PDE7B: variants seen among roughly 807,000 people sequenced by gnomAD.
PDE7B encodes the protein phosphodiesterase 7B.
A neutral mutation model predicts 56.2 loss-of-function variants in PDE7B; 29 were observed. The observed-to-expected ratio is 0.52, with a 90% CI of 0.38 to 0.70. The LOEUF (loss-of-function observed/expected upper bound fraction) is 0.70. Ranked by LOEUF, PDE7B falls within the 30% of genes least tolerant of loss-of-function variation. The pLI, the probability that PDE7B is intolerant of heterozygous loss-of-function variation, is 0.00. For missense variants in PDE7B, 490 were observed against 565.0 expected (o/e 0.87, Z 1.35); for synonymous variants, 197 against 196.9 (o/e 1.00, Z 0.00).
chr6:136,068,124 C>G (rs1776977513), intron 2 of PDE7B, among the ~76,000 whole-genome samples: 2 of 152,150 alleles, frequency 1.3e-5, no homozygotes, highest in African/African-American at 4.8e-5. Flanking sequence ...TATGAGTGAC[C>G]AACGGCCCGT....
intron 8 of PDE7B, among the ~76,000 whole-genome samples, chr6:136,164,482 TATG>T (rs1243960621): frequency 6.8e-6 from 1 of 146,188 alleles, no homozygotes; most frequent in Non-Finnish European, 1.5e-5. Flanking sequence ...GTAACTGAGA[TATG>T]ATAACTCCCC....
At chr6:136,171,905 G>A (rs1266978796) in intron 8 of PDE7B, among the ~76,000 whole-genome samples, 1 of 150,344 alleles carries the variant, frequency 6.7e-6, no homozygotes, top group Admixed American at 6.6e-5. Context: ...TTTTGTTCTT[G>A]CGATAGTTTA....
At chr6:135,858,173 G>A (rs1316380457) in intron 1 of PDE7B, among the ~76,000 whole-genome samples, 1 of 151,872 alleles carries the variant, frequency 6.6e-6, no homozygotes, top group Non-Finnish European at 1.5e-5. Context: ...TTGTTTTTGA[G>A]ACAGAGTCCT....
Position 136,134,693 on chromosome 6 carries a change from C to CAG in PDE7B, c.167-12654_167-12653dup, listed in dbSNP as rs764759929. 6.2e-5 allele frequency among the ~76,000 whole-genome samples: 8 copies of CAG among 129,700 alleles called. No individual in the cohort carries two copies. The East Asian group carries it at 1.6e-3, about 26-fold the overall frequency. The allele number at this position is 129,700 out of a possible 152,430, so 85.1% of individuals were successfully genotyped here. Reference sequence around the variant, plus strand: ...CCAACCAACCCTGAACCCCGGATGTCAGAGATTCAACCCATTCGTTGGGAT... The same window carrying CAG: ...CCAACCAACCCTGAACCCCGGATGTCAGAGAGATTCAACCCATTCGTTGGGAT... On this transcript the variant is annotated intron_variant, in intron 3 of 12. Coordinates refer to ENST00000308191, the MANE Select transcript of PDE7B (RefSeq NM_018945.4).
chr6:136,005,049 G>A (rs1358940334), intron 2 of PDE7B, among the ~76,000 whole-genome samples: 1 of 152,186 alleles, frequency 6.6e-6, no homozygotes, highest in South Asian at 2.1e-4. Context: ...AAATAACGCT[G>A]CATATCTACA....
intron 1 of PDE7B, among the ~76,000 whole-genome samples, chr6:135,879,545 TAA>T (rs2051049413): frequency 6.6e-6 from 1 of 152,192 alleles, no homozygotes; most frequent in Non-Finnish European, 1.5e-5. Context: ...TTTTTTTTCT[TAA>T]GAGTACTTTT....
intron 2 of PDE7B, among the ~76,000 whole-genome samples, chr6:136,045,955 T>C (rs1776497156): frequency 7.6e-6 from 1 of 131,728 alleles, no homozygotes; most frequent in Non-Finnish European, 1.7e-5. Context: ...AAAGAAAGAT[T>C]GTCTTTCTTG....
chr6:136,039,577 A>T (rs1776382338), intron 2 of PDE7B, among the ~76,000 whole-genome samples: 1 of 152,192 alleles, frequency 6.6e-6, no homozygotes. Context: ...TTAAGTTATG[A>T]CTTAATAATC....
intron 2 of PDE7B, among the ~76,000 whole-genome samples, chr6:135,970,170 T>C (rs760820051): frequency 2.6e-5 from 4 of 152,104 alleles, no homozygotes; most frequent in Non-Finnish European, 5.9e-5. Context: ...TACACTTCAT[T>C]GGTAGAGATA....
chr6:136,120,994 G>A (rs1392880607), intron 3 of PDE7B, among the ~76,000 whole-genome samples: 1 of 152,122 alleles, frequency 6.6e-6, no homozygotes, highest in Non-Finnish European at 1.5e-5. Flanking sequence ...ATAACCTTGT[G>A]TCTGACTCCC....
intron 3 of PDE7B, among the ~76,000 whole-genome samples, chr6:136,131,428 G>C (rs1389572197): frequency 1.3e-5 from 2 of 150,272 alleles, no homozygotes; most frequent in South Asian, 4.2e-4. Context: ...AATTTCAGGA[G>C]ACTATAAGGC....
chr6:136,176,115 G>A (rs1778972699), intron 9 of PDE7B, among the ~76,000 whole-genome samples: 3 of 151,596 alleles, frequency 2.0e-5, no homozygotes, highest in Admixed American at 2.0e-4. Flanking sequence ...TTTATATTTG[G>A]TCTCTTCCTA....
chr6:136,110,713 T>A (rs1349459212), intron 3 of PDE7B, among the ~76,000 whole-genome samples: 2 of 105,324 alleles, frequency 1.9e-5, no homozygotes, highest in African/African-American at 9.1e-5. Flanking sequence ...TTCTGCAACA[T>A]TTTTTTTTTT....
At chr6:135,885,809 G>T (rs1775698232) in intron 1 of PDE7B, among the ~76,000 whole-genome samples, 1 of 152,198 alleles carries the variant, frequency 6.6e-6, no homozygotes. Context: ...AGCAAGCAAT[G>T]CTGAGAAAAC....
chr6:135,977,815 T>C (rs1775216917), intron 2 of PDE7B, among the ~76,000 whole-genome samples: 1 of 152,152 alleles, frequency 6.6e-6, no homozygotes, highest in African/African-American at 2.4e-5. Context: ...GCATAAAAGC[T>C]ATTAGGTGGG....
intron 2 of PDE7B, chr6:136,033,885 CAT>C (rs1491360568): frequency 1.6e-5 from 2 of 124,372 alleles, no homozygotes; most frequent in South Asian, 4.5e-4. Context: ...CGTGTGTGTG[CAT>C]GTGTGTGTGT....
chr6:135,961,149 G>A (rs1340844932), intron 2 of PDE7B, among the ~76,000 whole-genome samples: 1 of 152,076 alleles, frequency 6.6e-6, no homozygotes, highest in Non-Finnish European at 1.5e-5. Context: ...TACCACTATA[G>A]TGTCTAAATA....
intron 3 of PDE7B, among the ~76,000 whole-genome samples, chr6:136,139,338 A>T (rs567562199): frequency 4.6e-5 from 7 of 152,268 alleles, no homozygotes; most frequent in African/African-American, 1.7e-4. Context: ...CGTGGTGTAT[A>T]TGTGCCACAT....
At chr6:136,082,523 G>A (rs1777223381) in intron 2 of PDE7B, among the ~76,000 whole-genome samples, 1 of 152,212 alleles carries the variant, frequency 6.6e-6, no homozygotes, top group African/African-American at 2.4e-5. Flanking sequence ...GGCCAGTCAT[G>A]CAGTTAGCCT....
Sources: allele counts gnomAD v4.1 joint callset (sites outside exome capture counted in the v4.1 genomes callset), GRCh38; gene constraint gnomAD v4.1.1; transcripts MANE v1.5; gene names NCBI Gene and HGNC (gene_info 2026-07-23, HGNC 2026-07-21).